The following RELB variants were observed in gnomAD, a reference collection of about 807,000 sequenced individuals.
The protein encoded by RELB is transcription factor RelB.
RELB carries 14 observed loss-of-function variants against 55.4 expected under a neutral mutation model. That is an observed-to-expected ratio of 0.25 (90% confidence interval 0.17 to 0.40). The LOEUF is 0.40. Among genes scored for constraint, RELB ranks in the 10% least tolerant of loss-of-function variants. RELB has a pLI of 1.00. For synonymous variants in RELB, 409 were observed against 371.3 expected, an observed-to-expected ratio of 1.10 and a Z score of -1.17; for missense variants, 669 against 830.7, an observed-to-expected ratio of 0.81 and a Z score of 2.39.
chr19:45,017,304 G>A (rs1310679268), intron 4 of RELB, among the ~76,000 whole-genome samples: 1 of 151,986 alleles, frequency 6.6e-6, no homozygotes, highest in Non-Finnish European at 1.5e-5. Flanking sequence ...AAAAATTCTG[G>A]CTTCACTTGC....
intron 2 of RELB, among the ~76,000 whole-genome samples, chr19:45,004,487 G>A (rs913456016): frequency 3.3e-5 from 5 of 150,682 alleles, no homozygotes; most frequent in Admixed American, 2.0e-4. Context: ...GCCTCCCAAA[G>A]TGCTGGGATT....
At chr19:45,027,625 G>A (rs943895415) in intron 7 of RELB, among the ~76,000 whole-genome samples, 9 of 152,082 alleles carry the variant, frequency 5.9e-5, no homozygotes, top group Non-Finnish European at 8.8e-5. Context: ...TGGGGCATGC[G>A]CTCAATTACT....
rs1319362531 is a variant in RELB at position 45,037,583 on chromosome 19, C to T, written c.1533C>T (p.His511=). ...ACCTGCTGCCCCCGGCACCGCCACA[C>T]GCTAGCGCTGTTGTGTGCAGCGGAG... ...MLDLLPPAPP[H]ASAVVCSGGA... The change falls in exon 12 of 12, where the codon CAC becomes CAT. Residue 511 remains histidine, a synonymous_variant. Coordinates refer to ENST00000221452, the MANE Select transcript of RELB (RefSeq NM_006509.4). 2 of 1,612,048 alleles carry T rather than the reference C, an allele frequency of 1.2e-6. No individual in the cohort carries two copies. Among genetic ancestry groups the T allele is most frequent in the Non-Finnish European group, 1.7e-6 (2 of 1,179,180 alleles).
chr19:45,002,518 A>G (rs536178155), intron 1 of RELB, among the ~76,000 whole-genome samples: 19 of 152,166 alleles, frequency 1.2e-4, no homozygotes, highest in African/African-American at 4.1e-4. Context: ...ACACCCGGCT[A>G]ATTTTTGTAG....
intron 4 of RELB, among the ~76,000 whole-genome samples, chr19:45,015,607 C>T (rs1451760763): frequency 1.3e-5 from 2 of 151,846 alleles, no homozygotes; most frequent in Admixed American, 6.6e-5. Flanking sequence ...TGGTGGCATG[C>T]GCCTGGGGTC....
At chr19:45,001,736 CG>C in intron 1 of RELB, 51 bp downstream of exon 1, 3 of 1,260,980 alleles carry the variant, frequency 2.4e-6, no homozygotes, top group East Asian at 2.8e-5. Context: ...GCTGGAGATG[CG>C]GGGATTCTGG....
rs57007961 is a variant in RELB at position 45,008,000 on chromosome 19, CAAAAAAA to C, written c.155-1797_155-1791del. Among the ~76,000 whole-genome samples the C allele has an allele frequency of 1.1e-3, 68 of 63,012 alleles. No individual in the cohort carries two copies. The East Asian group carries it at 0.022, about 20-fold the overall frequency. 41.3% of individuals were successfully genotyped at this position (63,012 alleles called of 152,430 possible). A position where few individuals can be genotyped will look rare whatever the true frequency, so the allele number is the denominator to read the frequency against. On this transcript the variant is annotated intron_variant, in intron 2 of 11. Transcript: ENST00000221452. Reference sequence around the variant, plus strand: ...TAAAACCCCGTCTCTGCTAAAAATACAAAAAAAAAAAAAAAAAAAAAAAGCCGGGTGT... The same window carrying C: ...TAAAACCCCGTCTCTGCTAAAAATACAAAAAAAAAAAAAAAAGCCGGGTGT...
Position 45,025,688 on chromosome 19 carries a change from A to T in RELB, c.837A>T (p.Gly279=). The change falls in exon 7 of 12, where the codon GGA becomes GGT. Residue 279 remains glycine, a synonymous_variant. Transcript: ENST00000221452. ...AGGCCTCATATCGGGACCAGCAGGG[A>T]CAGATGCGCCGGATGGATCCTGTGC... is the stretch of plus-strand genomic sequence containing the variant. ...CFQASYRDQQ[G]QMRRMDPVLS... is the part of the protein sequence containing the mutation. 3 of 1,613,984 alleles carry T rather than the reference A, an allele frequency of 1.9e-6. No homozygotes were observed. Among genetic ancestry groups the T allele is most frequent in the Non-Finnish European group, 2.5e-6 (3 of 1,179,890 alleles).
intron 2 of RELB, 56 bp downstream of exon 2, chr19:45,003,052 G>C (rs1203428719): frequency 1.6e-5 from 25 of 1,531,540 alleles, no homozygotes; most frequent in Non-Finnish European, 2.2e-5. Context: ...AGGTTGGGAG[G>C]ACTCCACAGA....
At chr19:45,021,915 C>A (rs1479903373) in intron 4 of RELB, 138 bp from the exon 5 acceptor site, 28 of 828,602 alleles carry the variant, frequency 3.4e-5, no homozygotes, top group Non-Finnish European at 3.4e-5. Context: ...ATCCTGGTCG[C>A]GGGAGAAGGT....
intron 2 of RELB, among the ~76,000 whole-genome samples, chr19:45,009,496 T>G (rs1370133722): frequency 6.6e-6 from 1 of 152,216 alleles, no homozygotes; most frequent in Non-Finnish European, 1.5e-5. Context: ...TTCCTGGTGC[T>G]AAGACCCCTT....
intron 5 of RELB, among the ~76,000 whole-genome samples, chr19:45,024,196 T>C (rs1303925807): frequency 2.1e-5 from 3 of 144,668 alleles, no homozygotes; most frequent in African/African-American, 2.6e-5. Flanking sequence ...GAGTCTCGCT[T>C]TGTCGCCCAG....
At chr19:45,017,452 A>AG (rs1971433163) in intron 4 of RELB, among the ~76,000 whole-genome samples, 1 of 151,040 alleles carries the variant, frequency 6.6e-6, no homozygotes, top group African/African-American at 2.4e-5. Flanking sequence ...ATCTGTCTAA[A>AG]AAAAAAAAAA....
At chr19:45,008,518 C>T (rs1344056971) in intron 2 of RELB, 1 of 456,148 alleles carries the variant, frequency 2.2e-6, no homozygotes, top group Non-Finnish European at 4.4e-6. Context: ...GAGGTTGGCC[C>T]TGCCACTGAC....
At chr19:45,032,280 G>A (rs1026662665) in intron 8 of RELB, 5 of 378,204 alleles carry the variant, frequency 1.3e-5, no homozygotes, top group African/African-American at 6.1e-5. Flanking sequence ...TTAGCCGGGC[G>A]TGGTGGCATA....
At chr19:45,032,476 T>A in intron 8 of RELB, 58 bp from the exon 9 acceptor site, 5 of 1,433,066 alleles carry the variant, frequency 3.5e-6, no homozygotes, top group Non-Finnish European at 4.8e-6. Flanking sequence ...GCTGGGCAAG[T>A]TGGGAGCACA....
intron 9 of RELB, among the ~76,000 whole-genome samples, chr19:45,033,704 G>A (rs1376614197): frequency 1.3e-5 from 2 of 149,752 alleles, no homozygotes; most frequent in African/African-American, 4.9e-5. Context: ...CACCATGCCC[G>A]GCTAATTTTA....
At chr19:45,003,427 A>C in intron 2 of RELB, 1 of 425,548 alleles carries the variant, frequency 2.3e-6, no homozygotes, top group Non-Finnish European at 4.5e-6. Flanking sequence ...GTGAGCCGAG[A>C]TCGCACCACT....
rs1182236853 is a variant in RELB at position 45,031,613 on chromosome 19, TC to T, written c.992-916del. On this transcript the variant is annotated intron_variant, in intron 8 of 11. Coordinates refer to ENST00000221452, the MANE Select transcript of RELB (RefSeq NM_006509.4). ...TTGTTTGAGGCGGAGTCTTGCTCTG[TC>T]CCCCAGGCTGGAGTGCAGTGGTGCG... 9.2e-5 allele frequency among the ~76,000 whole-genome samples: 14 copies of T among 152,056 alleles called. 1 individual carries two copies. The highest frequency in any genetic ancestry group is 9.2e-4 in the Admixed American group (14 of 15,244).
Sources: gnomAD v4.1 joint callset for allele counts (sites outside exome capture counted in the v4.1 genomes callset) on GRCh38, gnomAD v4.1.1 for gene constraint, MANE v1.5 for transcripts, NCBI Gene and HGNC (gene_info 2026-07-23, HGNC 2026-07-21) for gene names.